Variants in CCDC170 observed in about 807,000 individuals in gnomAD.
CCDC170 encodes the protein coiled-coil domain containing 170, also known as coiled-coil domain-containing protein 170.
In CCDC170, 69 loss-of-function variants were observed where a neutral mutation model predicts 72.6. That is an observed-to-expected ratio of 0.95 (90% confidence interval 0.78 to 1.16). CCDC170 has a LOEUF of 1.16. CCDC170 is among the 50% of genes most tolerant of loss of function. The pLI is 0.00. For synonymous variants in CCDC170, 300 were observed against 303.9 expected (o/e 0.99, Z 0.13); for missense variants, 852 against 832.5 (o/e 1.02, Z -0.29).
intron 8 of CCDC170, among the ~76,000 whole-genome samples, chr6:151,594,383 C>A (rs955173127): frequency 6.6e-6 from 1 of 152,148 alleles, no homozygotes; most frequent in Non-Finnish European, 1.5e-5. Flanking sequence ...CATTTTCAAA[C>A]CCTTGGCTCA....
intron 1 of CCDC170, among the ~76,000 whole-genome samples, chr6:151,502,633 T>C (rs564498232): frequency 2.6e-5 from 4 of 152,338 alleles, no homozygotes; most frequent in African/African-American, 9.6e-5. Flanking sequence ...AAGGAACTCT[T>C]ATTGTTGAAA....
chr6:151,550,640 G>C (rs1219738743), intron 5 of CCDC170, among the ~76,000 whole-genome samples: 2 of 152,114 alleles, frequency 1.3e-5, no homozygotes, highest in Non-Finnish European at 2.9e-5. Flanking sequence ...CCATAGACTG[G>C]GTGGTTTAAA....
At chr6:151,553,795 G>A (rs1220423282) in intron 5 of CCDC170, among the ~76,000 whole-genome samples, 1 of 152,010 alleles carries the variant, frequency 6.6e-6, no homozygotes, top group Non-Finnish European at 1.5e-5. Context: ...TTTATTCATA[G>A]GATTGTGCCT....
intron 1 of CCDC170, among the ~76,000 whole-genome samples, chr6:151,504,798 A>G (rs1292149384): frequency 1.3e-5 from 2 of 151,638 alleles, no homozygotes; most frequent in African/African-American, 4.8e-5. Context: ...TAGATACTGG[A>G]AGTGGCTGAG....
chr6:151,573,580 C>CACT, intron 6 of CCDC170, 89 bp downstream of exon 6: 6 of 1,242,966 alleles, frequency 4.8e-6, no homozygotes, highest in Non-Finnish European at 6.8e-6. Flanking sequence ...TCTATTCTCA[C>CACT]GCTGCTATAA....
At chr6:151,551,498 A>T (rs879462320) in intron 5 of CCDC170, among the ~76,000 whole-genome samples, 4 of 152,126 alleles carry the variant, frequency 2.6e-5, no homozygotes, top group Non-Finnish European at 5.9e-5. Context: ...ATCACTTTTG[A>T]TATTAGGTTA....
intron 9 of CCDC170, among the ~76,000 whole-genome samples, chr6:151,601,618 A>G (rs1776711472): frequency 6.6e-6 from 1 of 152,150 alleles, no homozygotes; most frequent in Non-Finnish European, 1.5e-5. Context: ...CTATCTATAT[A>G]GAGAGATTTA....
At chr6:151,521,872 G>T (rs1782321652) in intron 1 of CCDC170, among the ~76,000 whole-genome samples, 1 of 151,848 alleles carries the variant, frequency 6.6e-6, no homozygotes, top group African/African-American at 2.4e-5. Context: ...TGTAGTCCCA[G>T]CTACTCAGGA....
intron 9 of CCDC170, among the ~76,000 whole-genome samples, chr6:151,605,902 ATTTT>A (rs36039695): frequency 7.5e-6 from 1 of 132,620 alleles, no homozygotes. Flanking sequence ...CTATGCCGCC[ATTTT>A]TTTTTTTTTT....
At chr6:151,524,459 A>T (rs77942641) in intron 1 of CCDC170, among the ~76,000 whole-genome samples, 7,608 of 152,324 alleles carry the variant, frequency 0.05, 394 homozygotes, top group East Asian at 0.24. Flanking sequence ...TGGAATTCAC[A>T]AACAGTTTTC....
At chr6:151,577,784 C>T (rs555906419) in intron 6 of CCDC170, among the ~76,000 whole-genome samples, 16 of 152,300 alleles carry the variant, frequency 1.1e-4, no homozygotes, top group African/African-American at 2.6e-4. Flanking sequence ...AGATCAGCAG[C>T]GGCATTAGAT....
At chr6:151,521,512 A>T (rs1782315031) in intron 1 of CCDC170, among the ~76,000 whole-genome samples, 2 of 152,180 alleles carry the variant, frequency 1.3e-5, no homozygotes, top group African/African-American at 4.8e-5. Flanking sequence ...TGAGGCTGAG[A>T]TCTACTGGGT....
chr6:151,548,302 A>G lies in CCDC170; in HGVS notation c.589-2A>G. Reference sequence around the variant, plus strand: ...GGACAGCTGTAATTGCTTTCTCTTCAGCTTAGAGACCTGCGCAAAGAAAAT... The same window carrying G: ...GGACAGCTGTAATTGCTTTCTCTTCGGCTTAGAGACCTGCGCAAAGAAAAT... On this transcript the variant is annotated splice_acceptor_variant, in intron 4 of 10. Coordinates refer to ENST00000239374, the MANE Select transcript of CCDC170 (RefSeq NM_025059.4). LOFTEE classifies it high-confidence loss of function. 6.5e-7 allele frequency: 1 copy of G among 1,545,970 alleles called. No homozygotes were observed. The highest frequency in any genetic ancestry group is 2.3e-5 in the East Asian group (1 of 44,218).
At chr6:151,495,157 A>G (rs1582996589) in intron 1 of CCDC170, among the ~76,000 whole-genome samples, 1 of 152,202 alleles carries the variant, frequency 6.6e-6, no homozygotes, top group Admixed American at 6.5e-5. Flanking sequence ...AATATTCAGC[A>G]GCTTTGATTG....
chr6:151,566,966 G>T (rs1776146392), intron 5 of CCDC170, among the ~76,000 whole-genome samples: 2 of 152,104 alleles, frequency 1.3e-5, no homozygotes, highest in South Asian at 2.1e-4. Flanking sequence ...TGTTGCCCAG[G>T]CTGGAGTGCA....
intron 1 of CCDC170, among the ~76,000 whole-genome samples, chr6:151,505,048 G>T (rs569489720): frequency 6.6e-6 from 1 of 152,228 alleles, no homozygotes; most frequent in South Asian, 2.1e-4. Context: ...CAAAAAGGAG[G>T]TCAAGTCAGG....
intron 5 of CCDC170, among the ~76,000 whole-genome samples, chr6:151,569,468 A>T (rs1340873): frequency 0.16 from 23,802 of 152,152 alleles, 2,278 homozygotes; most frequent in East Asian, 0.46. Flanking sequence ...TTATAAAAAA[A>T]TTTTTTAAGT....
At chr6:151,561,245 A>G (rs1776026949) in intron 5 of CCDC170, among the ~76,000 whole-genome samples, 1 of 152,130 alleles carries the variant, frequency 6.6e-6, no homozygotes, top group Non-Finnish European at 1.5e-5. Flanking sequence ...TTATTTAAAA[A>G]TGTACAGTTA....
At chr6:151,617,889 C>A in intron 10 of CCDC170, 58 bp from the exon 11 acceptor site, 1 of 1,536,302 alleles carries the variant, frequency 6.5e-7, no homozygotes, top group South Asian at 1.2e-5. Flanking sequence ...GCATTTGGCT[C>A]AGCAGTAGTT....
Sources: allele counts gnomAD v4.1 joint callset (sites outside exome capture counted in the v4.1 genomes callset), GRCh38; gene constraint gnomAD v4.1.1; transcripts MANE v1.5; gene names NCBI Gene and HGNC (gene_info 2026-07-23, HGNC 2026-07-21).